ALG6: variants seen among roughly 807,000 people sequenced by gnomAD.
ALG6 encodes ALG6 alpha-1,3-glucosyltransferase.
In ALG6, 46 loss-of-function variants were observed where a neutral mutation model predicts 66.6. The observed-to-expected ratio is 0.69, with a 90% CI of 0.55 to 0.88. ALG6 has a LOEUF of 0.88. ALG6 is among the 40% of genes least tolerant of loss of function. ALG6 has a pLI of 0.00. For synonymous variants in ALG6, 185 were observed against 203.7 expected (o/e 0.91, Z 0.78); for missense variants, 505 against 586.8 (o/e 0.86, Z 1.44).
intron 12 of ALG6, among the ~76,000 whole-genome samples, chr1:63,422,388 T>A (rs1285873373): frequency 2.0e-5 from 2 of 101,860 alleles, no homozygotes; most frequent in Non-Finnish European, 3.6e-5. Flanking sequence ...TATAAATATA[T>A]ATAAATATAT....
intron 2 of ALG6, among the ~76,000 whole-genome samples, chr1:63,393,326 GTT>G (rs1165404874): frequency 6.6e-6 from 1 of 152,140 alleles, no homozygotes; most frequent in Non-Finnish European, 1.5e-5. Flanking sequence ...TTCCTCTCCA[GTT>G]TAATTAAGCA....
rs111839228 is a variant in ALG6 at position 63,403,842 on chromosome 1, T to C, written c.258-611T>C. Among the ~76,000 whole-genome samples, 421 of 152,320 alleles carry C rather than the reference T, an allele frequency of 2.8e-3. 4 individuals carry two copies. The highest frequency in any genetic ancestry group is 9.3e-3 in the African/African-American group (386 of 41,580). On this transcript the variant is annotated intron_variant, in intron 4 of 14. Transcript: ENST00000263440. ...GTAAAAATATGGTAGTACAATCTTATGGGATCATTGTCCTACATATGGTCC... is the reference window on the plus strand; with the variant it reads ...GTAAAAATATGGTAGTACAATCTTACGGGATCATTGTCCTACATATGGTCC...
At chr1:63,376,017 A>G (rs1035952411) in intron 2 of ALG6, among the ~76,000 whole-genome samples, 2 of 150,902 alleles carry the variant, frequency 1.3e-5, no homozygotes, top group Non-Finnish European at 2.9e-5. Flanking sequence ...TTAGGGGTTT[A>G]TTAATTTTAT....
intron 4 of ALG6, among the ~76,000 whole-genome samples, chr1:63,402,748 T>C (rs1314201019): frequency 6.7e-6 from 1 of 149,560 alleles, no homozygotes; most frequent in East Asian, 2.1e-4. Context: ...ATTACAGGCA[T>C]GAGCCACCTC....
Position 63,378,566 on chromosome 1 carries a change from A to G in ALG6, c.82+7507A>G, listed in dbSNP as rs536016939. Among the ~76,000 whole-genome samples the G allele has an allele frequency of 2.0e-5, 3 of 152,308 alleles. No homozygotes were observed. In the South Asian group the frequency reaches 6.2e-4, roughly 32 times the overall value. Reference sequence around the variant, plus strand: ...TTGGATCTTTGGTTAGGAATTCCACAGATAGTATAGGCCATTCACTATGTG... The same window carrying G: ...TTGGATCTTTGGTTAGGAATTCCACGGATAGTATAGGCCATTCACTATGTG... On this transcript the variant is annotated intron_variant, in intron 2 of 14. Transcript: ENST00000263440.
Position 63,422,401 on chromosome 1 carries a change from C to A in ALG6, c.1058+2961C>A, listed in dbSNP as rs28664261. Among the ~76,000 whole-genome samples, 32 of 57,334 alleles carry A rather than the reference C, an allele frequency of 5.6e-4. 1 individual carries two copies. Among genetic ancestry groups the A allele is most frequent in the African/African-American group, 1.1e-3 (14 of 12,704 alleles). 37.6% of individuals were successfully genotyped at this position (57,334 alleles called of 152,430 possible). ...AGTATAAATATATATAAATATATAT[C>A]TATATAAATATAAATATATATATAA... On this transcript the variant is annotated intron_variant, in intron 12 of 14. Transcript: ENST00000263440.
intron 3 of ALG6, among the ~76,000 whole-genome samples, chr1:63,399,968 G>T (rs752783919): frequency 4.6e-5 from 7 of 151,098 alleles, no homozygotes; most frequent in Non-Finnish European, 1.0e-4. Flanking sequence ...AGACCAAGGC[G>T]GGCAGATCAC....
chr1:63,371,123 G>T (rs748141790), intron 2 of ALG6, 64 bp downstream of exon 2: 9 of 1,156,642 alleles, frequency 7.8e-6, no homozygotes, highest in Non-Finnish European at 2.6e-6. Flanking sequence ...TTTGTTTGGG[G>T]AAAAGTTTAC....
intron 2 of ALG6, among the ~76,000 whole-genome samples, chr1:63,376,107 A>G (rs1648115824): frequency 1.3e-5 from 2 of 152,128 alleles, no homozygotes; most frequent in African/African-American, 2.4e-5. Flanking sequence ...TTGTTCAACC[A>G]TTGTAGAGTG....
At chr1:63,395,119 C>T (rs1372525336) in intron 2 of ALG6, among the ~76,000 whole-genome samples, 1 of 152,128 alleles carries the variant, frequency 6.6e-6, no homozygotes, top group East Asian at 1.9e-4. Context: ...TCACCTCGGC[C>T]TCCCAAAGTG....
At chr1:63,436,724 C>T in intron 14 of ALG6, 99 bp from the exon 15 acceptor site, 1 of 1,178,650 alleles carries the variant, frequency 8.5e-7, no homozygotes. Context: ...CCTCAACCCT[C>T]ACCTTTAATT....
intron 12 of ALG6, among the ~76,000 whole-genome samples, chr1:63,419,671 TC>T (rs755150413): frequency 2.0e-5 from 3 of 152,206 alleles, no homozygotes; most frequent in Non-Finnish European, 4.4e-5. Flanking sequence ...TTCTTCCTGT[TC>T]CTTCACTTAT....
At chr1:63,422,204 A>AACATAAATATATATCT (rs1644581918) in intron 12 of ALG6, among the ~76,000 whole-genome samples, 1 of 118,096 alleles carries the variant, frequency 8.5e-6, no homozygotes, top group African/African-American at 3.3e-5. Context: ...TATCTATATG[A>AACATAAATATATATCT]ATATAAATAT....
At chr1:63,410,936 G>A (rs965070908) in intron 7 of ALG6, among the ~76,000 whole-genome samples, 1 of 152,078 alleles carries the variant, frequency 6.6e-6, no homozygotes, top group African/African-American at 2.4e-5. Flanking sequence ...TGTATTTGAT[G>A]CTGTTATACA....
intron 2 of ALG6, among the ~76,000 whole-genome samples, chr1:63,394,668 A>G (rs1330590984): frequency 2.0e-5 from 3 of 152,012 alleles, no homozygotes; most frequent in African/African-American, 7.2e-5. Flanking sequence ...ACGCCCGGCC[A>G]CCTTTATGTC....
intron 14 of ALG6, among the ~76,000 whole-genome samples, chr1:63,430,009 A>C (rs1488460546): frequency 2.0e-5 from 3 of 152,032 alleles, no homozygotes; most frequent in Non-Finnish European, 2.9e-5. Context: ...CAGCCTCCCT[A>C]GTAGCTGGAA....
At chr1:63,414,001 A>T (rs887968136) in intron 9 of ALG6, 60 bp from the exon 10 acceptor site, 27 of 1,316,208 alleles carry the variant, frequency 2.1e-5, no homozygotes, top group Non-Finnish European at 3.0e-5. Flanking sequence ...GCTGTACTTC[A>T]TGGGTTTTAA....
chr1:63,436,849 G>C lies in ALG6; in HGVS notation c.1353G>C (p.Val451=), dbSNP rs1346474951. 7 of 1,613,568 alleles carry C rather than the reference G, an allele frequency of 4.3e-6. No homozygotes were observed. The highest frequency in any genetic ancestry group is 5.9e-6 in the Non-Finnish European group (7 of 1,179,760). ...TTCTTATCTCAGTCATCACTATGGT[G>C]CTTCTGACGTTGATGACTGTCACAC... ...YLFLISVITM[V]LLTLMTVTLD... is the part of the protein sequence containing the mutation. The change falls in exon 15 of 15, where the codon GTG becomes GTC. Residue 451 remains valine (V), a synonymous_variant. Transcript: ENST00000263440.
intron 7 of ALG6, among the ~76,000 whole-genome samples, chr1:63,409,739 A>T (rs1270173364): frequency 5.3e-5 from 8 of 152,102 alleles, no homozygotes; most frequent in Non-Finnish European, 1.5e-5. Flanking sequence ...TTATTTAAGA[A>T]TAAGGCAAGA....
Sources: gnomAD v4.1 joint callset for allele counts (sites outside exome capture counted in the v4.1 genomes callset) on GRCh38, gnomAD v4.1.1 for gene constraint, MANE v1.5 for transcripts, NCBI Gene and HGNC (gene_info 2026-07-23, HGNC 2026-07-21) for gene names.